AOC2: variants seen among roughly 807,000 people sequenced by gnomAD.
AOC2 encodes amine oxidase [copper-containing] 2.
In AOC2, 57 loss-of-function variants were observed where a neutral mutation model predicts 53.8. The observed-to-expected ratio is 1.06, with a 90% confidence interval of 0.86 to 1.32. AOC2 has a LOEUF of 1.32. Among genes scored for constraint, AOC2 ranks in the 40% most tolerant of loss-of-function variants. The pLI is 0.00. For synonymous variants in AOC2, 404 were observed against 399.0 expected (o/e 1.01, Z -0.15); for missense variants, 1,008 against 957.2 (o/e 1.05, Z -0.70).
At chr17:42,849,050 G>C in intron 1 of AOC2, 36 bp from the exon 2 acceptor site, 1 of 1,579,526 alleles carries the variant, frequency 6.3e-7, no homozygotes, top group South Asian at 1.2e-5. Context: ...GACCTTACCT[G>C]GTGTGGAACT....
At position 42,845,117 on chromosome 17, in the gene AOC2, G is replaced by A. The variant is rs769514939; in HGVS notation, c.491G>A (p.Arg164His). The change falls in exon 1 of 4, where the codon CGT (arginine) becomes CAT (histidine). Residue 164 changes from arginine (R) to histidine (H), a missense_variant. By Grantham distance (29) the Arg-to-His change is conservative. Coordinates refer to ENST00000253799, the MANE Select transcript of AOC2 (RefSeq NM_009590.4). ...CACGGCGGGCCCCTGCCCTATCACC[G>A]TCGCCCGGTGCTGAGAGCTGAGTTT... ...ERHGGPLPYH[R>H]RPVLRAEFTQ... The A allele has an allele frequency of 9.2e-5, 149 of 1,613,540 alleles. No individual in the cohort carries two copies. Among genetic ancestry groups the A allele is most frequent in the Non-Finnish European group, 1.2e-4 (139 of 1,180,036 alleles).
chr17:42,849,306 CCA>C lies in AOC2; in HGVS notation c.1812_1813del (p.His604GlnfsTer12). On this transcript the variant is annotated frameshift_variant, in exon 2 of 4. Coordinates refer to ENST00000253799, the MANE Select transcript of AOC2 (RefSeq NM_009590.4). LOFTEE classifies it high-confidence loss of function. ...ACCAGCGCGGGTACCGAATCCAGATCCACAGCCCCCTTGGCATACACATACCC... is the reference window on the plus strand; with the variant it reads ...ACCAGCGCGGGTACCGAATCCAGATCCAGCCCCCTTGGCATACACATACCC... ...GHQRGYRIQIHSPLGIHIPLE... is the reference protein window; with the variant it reads ...GHQRGYRIQIXSPLGIHIPLE... The C allele has an allele frequency of 6.2e-7, 1 of 1,614,200 alleles. No homozygotes were observed. Among genetic ancestry groups the C allele is most frequent in the Non-Finnish European group, 8.5e-7 (1 of 1,180,028 alleles).
chr17:42,847,285 C>T (rs1037492002), intron 1 of AOC2, among the ~76,000 whole-genome samples: 4 of 152,208 alleles, frequency 2.6e-5, no homozygotes, highest in Admixed American at 1.3e-4. Flanking sequence ...GGACCCCTAG[C>T]GTGTGCAGCA....
chr17:42,849,046 A>G, intron 1 of AOC2, 40 bp from the exon 2 acceptor site: 1 of 1,572,518 alleles, frequency 6.4e-7, no homozygotes, highest in Non-Finnish European at 8.6e-7. Flanking sequence ...CAGAGACCTT[A>G]CCTGGTGTGG....
chr17:42,849,479 C>T, intron 2 of AOC2, 108 bp downstream of exon 2: 1 of 1,583,300 alleles, frequency 6.3e-7, no homozygotes, highest in East Asian at 2.2e-5. Flanking sequence ...TGTACCTCCC[C>T]TCAAACCCAA....
At position 42,850,068 on chromosome 17, in the gene AOC2, C is replaced by T. The variant is rs1567687484; in HGVS notation, c.2005-14C>T. On this transcript the variant is annotated splice_polypyrimidine_tract_variant and intron_variant, in intron 3 of 3. Coordinates refer to ENST00000253799, the MANE Select transcript of AOC2 (RefSeq NM_009590.4). ...ACGCTTCCATAGTCCTCCAGCTCCT[C>T]CTTCTTCTTGCAGGATCTGGTGGCT... The T allele has an allele frequency of 6.2e-7, 1 of 1,610,914 alleles. No homozygotes were observed. Among genetic ancestry groups the T allele is most frequent in the Non-Finnish European group, 8.5e-7 (1 of 1,177,444 alleles).
intron 1 of AOC2, among the ~76,000 whole-genome samples, chr17:42,848,647 C>T (rs1339449537): frequency 6.0e-5 from 9 of 150,866 alleles, no homozygotes; most frequent in Non-Finnish European, 1.3e-4. Flanking sequence ...ACCTACTGGG[C>T]TCAAGCAATC....
Position 42,849,599 on chromosome 17 carries a change from A to G in AOC2, c.1875-2A>G. 6.2e-7 allele frequency: 1 copy of G among 1,614,268 alleles called. No individual in the cohort carries two copies. Among genetic ancestry groups the G allele is most frequent in the Non-Finnish European group, 8.5e-7 (1 of 1,180,048 alleles). ...AACCACCTTCTTATGATTCCTGGCC[A>G]GATACCAGCTTGTGGTGACCCAGAG... On this transcript the variant is annotated splice_acceptor_variant, in intron 2 of 3. Coordinates refer to ENST00000253799, the MANE Select transcript of AOC2 (RefSeq NM_009590.4). LOFTEE classifies it high-confidence loss of function.
At chr17:42,849,062 A>G (rs200995658) in intron 1 of AOC2, 24 bp from the exon 2 acceptor site, 4 of 1,593,256 alleles carry the variant, frequency 2.5e-6, no homozygotes, top group Non-Finnish European at 3.4e-6. Context: ...TGTGGAACTC[A>G]TCTCCTTTCC....
chr17:42,849,315 C>T lies in AOC2; in HGVS notation c.1818C>T (p.Pro606=), dbSNP rs764499212. The T allele has an allele frequency of 2.8e-5, 45 of 1,614,212 alleles. No homozygotes were observed. Among genetic ancestry groups the T allele is most frequent in the Non-Finnish European group, 3.7e-5 (44 of 1,180,026 alleles). ...GGTACCGAATCCAGATCCACAGCCC[C>T]CTTGGCATACACATACCCCTGGAGA... ...QRGYRIQIHS[P]LGIHIPLESD... The change falls in exon 2 of 4, where the codon CCC becomes CCT. Residue 606 remains proline, a synonymous_variant. Transcript: ENST00000253799.
chr17:42,846,356 G>C (rs897972762), intron 1 of AOC2, 142 bp downstream of exon 1: 2 of 901,536 alleles, frequency 2.2e-6, no homozygotes, highest in Admixed American at 3.1e-5. Context: ...AGTGGCAACA[G>C]GGCAGGGACT....
chr17:42,850,293 C>G lies in AOC2; in HGVS notation c.2216C>G (p.Pro739Arg). The G allele has an allele frequency of 6.2e-7, 1 of 1,613,580 alleles. No homozygotes were observed. ...AGCATCAATCCTGTGGCCTGCCTCC[C>G]CGACCTGGCAGCCTGTGTCCCGGAC... is the stretch of plus-strand genomic sequence containing the variant. Reference protein sequence around the residue: ...LCSINPVACLPDLAACVPDLP... With the variant: ...LCSINPVACLRDLAACVPDLP... Residue 739 changes from proline to arginine, a missense_variant, in exon 4 of 4, where the codon CCC (proline) becomes CGC (arginine). Transcript: ENST00000253799.
chr17:42,848,549 A>ACACG (rs2055617679), intron 1 of AOC2, among the ~76,000 whole-genome samples: 1 of 134,780 alleles, frequency 7.4e-6, no homozygotes, highest in African/African-American at 3.2e-5. Flanking sequence ...ATATATACAT[A>ACACG]TATATATATA....
chr17:42,850,187 T>C lies in AOC2; in HGVS notation c.2110T>C (p.Tyr704His). Residue 704 changes from tyrosine to histidine, a missense_variant, in exon 4 of 4, where the codon TAT becomes CAT. By Grantham distance (83) the Tyr-to-His change is moderately conservative (BLOSUM62 2). Coordinates refer to ENST00000253799, the MANE Select transcript of AOC2 (RefSeq NM_009590.4). ...GNRVGFLLRPYNFFDEDPSIF... is the reference protein window; with the variant it reads ...GNRVGFLLRPHNFFDEDPSIF... ...CAGAGTTGGCTTCTTGCTCCGACCC[T>C]ATAACTTCTTTGATGAGGACCCCTC... 1 of 1,614,180 alleles carries C rather than the reference T, an allele frequency of 6.2e-7. No individual in the cohort carries two copies. Among genetic ancestry groups the C allele is most frequent in the African/African-American group, 1.3e-5 (1 of 75,028 alleles).
chr17:42,850,160 AAC>A lies in AOC2; in HGVS notation c.2085_2086del (p.Asn695LysfsTer10). 2 of 1,614,096 alleles carry A rather than the reference AAC, an allele frequency of 1.2e-6. No individual in the cohort carries two copies. The highest frequency in any genetic ancestry group is 1.7e-6 in the Non-Finnish European group (2 of 1,180,012). On this transcript the variant is annotated frameshift_variant, in exon 4 of 4. Transcript: ENST00000253799. LOFTEE classifies it high-confidence loss of function. Reference sequence around the variant, plus strand: ...CATCCCAAACACAGTGACTCTGGGGAACAGAGTTGGCTTCTTGCTCCGACCCT... The same window carrying A: ...CATCCCAAACACAGTGACTCTGGGGAAGAGTTGGCTTCTTGCTCCGACCCT... ...EDIPNTVTLG[N>X]RVGFLLRPYN...
Position 42,845,304 on chromosome 17 carries a change from C to T in AOC2, c.678C>T (p.Asn226=), listed in dbSNP as rs768849486. The part of the protein sequence containing the change: ...DRATWMALYH[N]ISGVGLFLHP... ...CTACCTGGATGGCCCTCTACCATAA[C>T]ATCTCAGGGGTTGGTCTTTTCCTTC... Residue 226 remains asparagine, a synonymous_variant, in exon 1 of 4, where the codon AAC becomes AAT. Coordinates refer to ENST00000253799, the MANE Select transcript of AOC2 (RefSeq NM_009590.4). The T allele has an allele frequency of 6.8e-6, 11 of 1,614,062 alleles. No individual in the cohort carries two copies. In the Admixed American group the frequency reaches 8.3e-5, roughly 12 times the overall value.
intron 3 of AOC2, 120 bp from the exon 4 acceptor site, chr17:42,849,941 CATGGATTGCTCCACGTGTTGT>C: frequency 7.6e-7 from 1 of 1,314,478 alleles, no homozygotes; most frequent in South Asian, 1.4e-5. Flanking sequence ...CAGCTGCTTA[CATGGATTGCTCCACGTGTTGT>C]ATGGGCATGA....
rs1249728959 is a variant in AOC2, at chr17:42,850,516, A to G, written c.*168A>G. On this transcript the variant is annotated 3_prime_UTR_variant, in exon 4 of 4. Transcript: ENST00000253799. Reference sequence around the variant, plus strand: ...TTTGGTTAATTCTTACTTCCTGTTCATCTCTAAAGTGTTAAATTATAAAAA... The same window carrying G: ...TTTGGTTAATTCTTACTTCCTGTTCGTCTCTAAAGTGTTAAATTATAAAAA... 3.0e-6 allele frequency: 2 copies of G among 657,580 alleles called. No homozygotes were observed. Among genetic ancestry groups the G allele is most frequent in the African/African-American group, 3.7e-5 (2 of 54,532 alleles). 40.7% of individuals were successfully genotyped at this position (657,580 alleles called of 1,614,324 possible).
rs758221237 is a variant in AOC2, at chr17:42,850,166, GT to G, written c.2091del (p.Gly698AlafsTer110). ...IPNTVTLGNR[V>X]GFLLRPYNFF... ...AAACACAGTGACTCTGGGGAACAGA[GT>G]TGGCTTCTTGCTCCGACCCTATAAC... On this transcript the variant is annotated frameshift_variant, in exon 4 of 4. Coordinates refer to ENST00000253799, the MANE Select transcript of AOC2 (RefSeq NM_009590.4). LOFTEE classifies it high-confidence loss of function. 1 of 1,614,196 alleles carries G rather than the reference GT, an allele frequency of 6.2e-7. No individual in the cohort carries two copies. The highest frequency in any genetic ancestry group is 1.1e-5 in the South Asian group (1 of 91,080).
Sources: allele counts gnomAD v4.1 joint callset (sites outside exome capture counted in the v4.1 genomes callset), GRCh38; gene constraint gnomAD v4.1.1; transcripts MANE v1.5; gene names NCBI Gene and HGNC (gene_info 2026-07-23, HGNC 2026-07-21).